The following ERN1 variants were observed in gnomAD, a reference collection of about 807,000 sequenced individuals.
ERN1 encodes endoplasmic reticulum to nucleus signaling 1, also known as serine/threonine-protein kinase/endoribonuclease IRE1.
A neutral mutation model predicts 113.1 loss-of-function variants in ERN1; 39 were observed. The observed-to-expected ratio is 0.34, with a 90% CI of 0.27 to 0.45. The LOEUF is 0.45. ERN1 is among the 20% of genes least tolerant of loss of function. The pLI, the probability that ERN1 is intolerant of heterozygous loss-of-function variation, is 1.00. For missense variants in ERN1, 976 were observed against 1,274.8 expected (o/e 0.77, Z 3.57); for synonymous variants, 507 against 515.9 (o/e 0.98, Z 0.23).
At chr17:64,058,036 C>CCAGATA (rs1912933651) in intron 11 of ERN1, 43 bp from the exon 12 acceptor site, 2 of 1,445,026 alleles carry the variant, frequency 1.4e-6, no homozygotes, top group Admixed American at 2.4e-5. Flanking sequence ...AAATTTCTAG[C>CCAGATA]CAGATACAGA....
chr17:64,116,909 C>G (rs1025047788), intron 1 of ERN1, among the ~76,000 whole-genome samples: 1 of 149,632 alleles, frequency 6.7e-6, no homozygotes, highest in Non-Finnish European at 1.5e-5. Flanking sequence ...TTGAGACCAT[C>G]CTGGCTAACA....
chr17:64,105,960 C>CAA (rs1176683809), intron 1 of ERN1, among the ~76,000 whole-genome samples: 2 of 97,626 alleles, frequency 2.0e-5, no homozygotes, highest in African/African-American at 3.8e-5. Context: ...AACTCCAACT[C>CAA]AAAAAAAAAA....
chr17:64,054,025 G>C lies in ERN1; in HGVS notation c.1953+225C>G. The C allele has an allele frequency of 2.1e-6, 1 of 469,828 alleles. No homozygotes were observed. The highest frequency in any genetic ancestry group is 3.8e-6 in the Non-Finnish European group (1 of 259,986). 29.1% of individuals were successfully genotyped at this position (469,828 alleles called of 1,614,324 possible). On this transcript the variant is annotated intron_variant, in intron 15 of 21. Coordinates refer to ENST00000433197, the MANE Select transcript of ERN1 (RefSeq NM_001433.5). This position sits in a 1 kb window ranked among gnomAD's most constrained non-coding sequence, Gnocchi z 4.9. The stretch of plus-strand genomic sequence containing the variant: ...CACAATCACTGCTTACTGCAGCCTT[G>C]ATCTCCCAGGCTCAAGCAATCTTCC...
rs922577688 is a variant in ERN1 at position 64,126,696 on chromosome 17, A to G, written c.54+3280T>C. On this transcript the variant is annotated intron_variant, in intron 1 of 21. Transcript: ENST00000433197. ...TGATAACAAACTCAATGAACATTCT[A>G]CTTATGGCCTCAGTATAAACACTTG... Among the ~76,000 whole-genome samples, 3 of 152,130 alleles carry G rather than the reference A, an allele frequency of 2.0e-5. 1 individual carries two copies. The highest frequency in any genetic ancestry group is 7.2e-5 in the African/African-American group (3 of 41,386).
chr17:64,066,541 G>T, intron 8 of ERN1, 130 bp downstream of exon 8: 1 of 1,116,898 alleles, frequency 9.0e-7, no homozygotes. Context: ...AACAGTCTTG[G>T]CTCTGAATAT....
intron 17 of ERN1, among the ~76,000 whole-genome samples, chr17:64,050,045 T>G (rs1207993752): frequency 6.6e-6 from 1 of 152,110 alleles, no homozygotes; most frequent in African/African-American, 2.4e-5. Flanking sequence ...AACAACCTTG[T>G]GAGGCGAGCA....
chr17:64,053,190 C>T, intron 16 of ERN1, 82 bp downstream of exon 16: 1 of 1,192,616 alleles, frequency 8.4e-7, no homozygotes, highest in East Asian at 2.4e-5. Flanking sequence ...AAGCAAGGCC[C>T]ACCCGAGCTA....
At chr17:64,071,535 C>T (rs1037209445) in intron 6 of ERN1, among the ~76,000 whole-genome samples, 4 of 152,078 alleles carry the variant, frequency 2.6e-5, no homozygotes, top group African/African-American at 9.7e-5. Flanking sequence ...ATTCTCCTGC[C>T]TCAGCCTCCT....
At chr17:64,118,688 C>A (rs910425997) in intron 1 of ERN1, among the ~76,000 whole-genome samples, 1 of 152,192 alleles carries the variant, frequency 6.6e-6, no homozygotes, top group Admixed American at 6.5e-5. Flanking sequence ...TAATAAAGAT[C>A]CTCTGAGAAA....
intron 2 of ERN1, among the ~76,000 whole-genome samples, chr17:64,094,466 ATT>A (rs1914174218): frequency 6.6e-6 from 1 of 152,062 alleles, no homozygotes; most frequent in African/African-American, 2.4e-5. Context: ...CTGACTATAA[ATT>A]TTGTTTCAGT....
intron 9 of ERN1, 72 bp from the exon 10 acceptor site, chr17:64,064,223 A>G: frequency 6.7e-7 from 1 of 1,488,036 alleles, no homozygotes; most frequent in Admixed American, 2.1e-5. Flanking sequence ...CATCCCAGCC[A>G]CTGTCCTGAA....
chr17:64,095,268 A>G (rs567640537), intron 2 of ERN1, among the ~76,000 whole-genome samples: 29 of 152,230 alleles, frequency 1.9e-4, no homozygotes, highest in South Asian at 1.0e-3. Context: ...ATCTCTACTG[A>G]AAATACAAAA....
In ERN1 at chr17:64,066,940, G is replaced by C; in HGVS notation, c.581-8C>G. 2 of 1,605,520 alleles carry C rather than the reference G, an allele frequency of 1.2e-6. No individual in the cohort carries two copies. The highest frequency in any genetic ancestry group is 1.7e-6 in the Non-Finnish European group (2 of 1,173,186). ...ACACAAAGTGGGACATCTCTGTACA[G>C]ATCAAATAAACAAAGCATGCTGAGT... On this transcript the variant is annotated splice_region_variant and splice_polypyrimidine_tract_variant and intron_variant, in intron 7 of 21. Coordinates refer to ENST00000433197, the MANE Select transcript of ERN1 (RefSeq NM_001433.5).
intron 4 of ERN1, among the ~76,000 whole-genome samples, chr17:64,078,021 C>T (rs1400230091): frequency 6.6e-6 from 1 of 152,228 alleles, no homozygotes; most frequent in African/African-American, 2.4e-5. Flanking sequence ...GCATGAGCCA[C>T]CGCACCCAGC....
chr17:64,061,478 C>T (rs1230402731), intron 10 of ERN1, among the ~76,000 whole-genome samples: 32 of 152,212 alleles, frequency 2.1e-4, no homozygotes, highest in Admixed American at 2.1e-3. Flanking sequence ...GACATACATG[C>T]CAAGATGACA....
chr17:64,084,599 A>G (rs78600000), intron 2 of ERN1, among the ~76,000 whole-genome samples: 14,137 of 152,248 alleles, frequency 0.093, 724 homozygotes, highest in African/African-American at 0.12. Flanking sequence ...TGTCAAGACT[A>G]TAAGTCAATG....
At chr17:64,087,153 C>T (rs921861518) in intron 2 of ERN1, among the ~76,000 whole-genome samples, 2 of 152,160 alleles carry the variant, frequency 1.3e-5, no homozygotes, top group Admixed American at 6.5e-5. Context: ...GCCTTTATAA[C>T]CCAAGCTGGG....
chr17:64,066,321 G>A (rs897051289), intron 8 of ERN1, among the ~76,000 whole-genome samples: 4 of 152,106 alleles, frequency 2.6e-5, no homozygotes, highest in Non-Finnish European at 5.9e-5. Context: ...TGTGTGTGGT[G>A]GCAGGGGGAG....
Position 64,057,889 on chromosome 17 carries a change from C to T in ERN1, c.1311G>A (p.Val437=), listed in dbSNP as rs1567864351. ...TAGCCATGTCCTTAAGCATGGAGTCCACGGGGGCCTCGGGCCGGGCAGGGG... is the reference window on the plus strand; with the variant it reads ...TAGCCATGTCCTTAAGCATGGAGTCTACGGGGGCCTCGGGCCGGGCAGGGG... ...AHAPARPEAP[V]DSMLKDMATI... The change falls in exon 12 of 22, where the codon GTG becomes GTA. Residue 437 remains valine (V), a synonymous_variant. Transcript: ENST00000433197. The T allele has an allele frequency of 1.2e-6, 2 of 1,613,738 alleles. No homozygotes were observed. The highest frequency in any genetic ancestry group is 2.2e-5 in the East Asian group (1 of 44,874).
Sources: gnomAD v4.1 joint callset for allele counts (sites outside exome capture counted in the v4.1 genomes callset) on GRCh38, gnomAD v4.1.1 for gene constraint, Gnocchi (gnomAD v3.1) non-coding constraint, MANE v1.5 for transcripts, NCBI Gene and HGNC (gene_info 2026-07-23, HGNC 2026-07-21) for gene names.